ATP8B1: variants seen among roughly 807,000 people sequenced by gnomAD.
The protein encoded by ATP8B1 is phospholipid-transporting ATPase IC.
ATP8B1 carries 80 observed loss-of-function variants against 149.9 expected under a neutral mutation model. The ratio of observed to expected loss-of-function variants is 0.53; its 90% CI spans 0.45 to 0.64. ATP8B1 has a LOEUF of 0.64. ATP8B1 is among the 30% of genes least tolerant of loss of function. ATP8B1 has a pLI of 0.00. For synonymous variants in ATP8B1, 536 were observed against 562.8 expected (o/e 0.95, Z 0.67); for missense variants, 1,247 against 1,552.6 (o/e 0.80, Z 3.31).
At chr18:57,688,193 C>T (rs561434657) in intron 13 of ATP8B1, 106 bp downstream of exon 13, 9 of 1,269,174 alleles carry the variant, frequency 7.1e-6, no homozygotes, top group East Asian at 4.7e-5. Context: ...GACTCTGCAT[C>T]GAGAGGGCAC....
chr18:57,770,773 T>G (rs930318574), intron 1 of ATP8B1, among the ~76,000 whole-genome samples: 2 of 152,224 alleles, frequency 1.3e-5, no homozygotes, highest in African/African-American at 4.8e-5. Context: ...GGTGAAAACA[T>G]GTCAACATGC....
At chr18:57,753,339 T>C (rs1361667494) in intron 1 of ATP8B1, among the ~76,000 whole-genome samples, 1 of 152,234 alleles carries the variant, frequency 6.6e-6, no homozygotes, top group Admixed American at 6.5e-5. Context: ...AGTGGACAGA[T>C]CTATAGATAA....
At chr18:57,795,580 A>G (rs114813492) in intron 1 of ATP8B1, among the ~76,000 whole-genome samples, 2,206 of 152,344 alleles carry the variant, frequency 0.014, 50 homozygotes, top group African/African-American at 0.051. Flanking sequence ...CCTTAAGGAC[A>G]TTACACTAGT....
In ATP8B1 at chr18:57,655,378, A is replaced by G; in HGVS notation, c.2747T>C (p.Met916Thr). The stretch of plus-strand genomic sequence containing the variant: ...ATAGTCACTCGACATGACAGCTTGC[A>G]TTCCTTCTTGTCCACTTATTCCAAC... ...IGVGISGQEG[M>T]QAVMSSDYSF... The change falls in exon 23 of 28, where the codon ATG (methionine) becomes ACG (threonine). Residue 916 changes from methionine (M) to threonine (T), a missense_variant. Met to Thr is a moderately conservative substitution (Grantham distance 81, BLOSUM62 -1). Around this residue, in one of 3 missense-constraint regions of ATP8B1, gnomAD observed 230 missense variants for 356.6 expected, o/e 0.65. Coordinates refer to ENST00000648908, the MANE Select transcript of ATP8B1 (RefSeq NM_001374385.1). 1 of 1,614,274 alleles carries G rather than the reference A, an allele frequency of 6.2e-7. No homozygotes were observed. The highest frequency in any genetic ancestry group is 8.5e-7 in the Non-Finnish European group (1 of 1,180,054).
chr18:57,696,102 C>A (rs1912793308), intron 8 of ATP8B1, among the ~76,000 whole-genome samples: 1 of 152,202 alleles, frequency 6.6e-6, no homozygotes, highest in African/African-American at 2.4e-5. Flanking sequence ...GCTGCCGTCT[C>A]ACGACTGAAG....
chr18:57,771,684 T>A (rs2080264824), intron 1 of ATP8B1, among the ~76,000 whole-genome samples: 2 of 152,196 alleles, frequency 1.3e-5, no homozygotes, highest in South Asian at 4.1e-4. Context: ...ACTGTAATCC[T>A]ACAGGTTAGA....
intron 27 of ATP8B1, 71 bp from the exon 28 acceptor site, chr18:57,648,783 G>A: frequency 2.0e-6 from 3 of 1,472,292 alleles, no homozygotes; most frequent in Non-Finnish European, 2.8e-6. Context: ...CCAGACGGTT[G>A]ACAGAAATGA....
chr18:57,653,182 T>A (rs1486922283), intron 24 of ATP8B1, among the ~76,000 whole-genome samples: 1 of 152,094 alleles, frequency 6.6e-6, no homozygotes, highest in African/African-American at 2.4e-5. Context: ...ATGCACTAGC[T>A]ACATAAATTT....
rs1041581460 is a variant in ATP8B1, at chr18:57,646,493, A to G, written c.*1995T>C. The G allele has an allele frequency of 4.6e-5, 7 of 152,650 alleles. No individual in the cohort carries two copies. Among genetic ancestry groups the G allele is most frequent in the Non-Finnish European group, 1.0e-4 (7 of 68,052 alleles). The allele number at this position is 152,650 out of a possible 1,614,324, so 9.5% of individuals were successfully genotyped here. ...AATCATTTTTTTAAACAAAATATACATTAAATCTCAGATTTACAGAATATA... is the reference window on the plus strand; with the variant it reads ...AATCATTTTTTTAAACAAAATATACGTTAAATCTCAGATTTACAGAATATA... On this transcript the variant is annotated 3_prime_UTR_variant, in exon 28 of 28. Transcript: ENST00000648908.
intron 1 of ATP8B1, among the ~76,000 whole-genome samples, chr18:57,745,999 C>G (rs1165233858): frequency 6.6e-6 from 1 of 152,134 alleles, no homozygotes; most frequent in Non-Finnish European, 1.5e-5. Context: ...TTAAAAATAA[C>G]AGCTATTTTT....
chr18:57,652,684 C>T lies in ATP8B1; in HGVS notation c.3061G>A (p.Val1021Met), dbSNP rs1256318266. The T allele has an allele frequency of 6.8e-6, 11 of 1,614,148 alleles. No individual in the cohort carries two copies. The highest frequency in any genetic ancestry group is 9.3e-6 in the Non-Finnish European group (11 of 1,180,012). ...TTGAATAGTAAGTCTCTTTGTCCCA[C>T]TATGTATAACCCAGGGAATCGGAGG... ...LSLRFPGLYIVGQRDLLFNYK... is the reference protein window; with the variant it reads ...LSLRFPGLYIMGQRDLLFNYK... The change falls in exon 25 of 28, where the codon GTG becomes ATG. Residue 1021 changes from valine to methionine, a missense_variant. By Grantham distance (21) the Val-to-Met change is conservative (BLOSUM62 1). Around this residue, in one of 3 missense-constraint regions of ATP8B1, gnomAD observed 230 missense variants for 356.6 expected, o/e 0.65. Transcript: ENST00000648908.
intron 1 of ATP8B1, among the ~76,000 whole-genome samples, chr18:57,751,353 G>A (rs1599191939): frequency 6.6e-6 from 1 of 151,714 alleles, no homozygotes; most frequent in East Asian, 1.9e-4. Flanking sequence ...ATTTAGCAGG[G>A]CATGGTGGTG....
chr18:57,655,207 C>T lies in ATP8B1; in HGVS notation c.2918G>A (p.Gly973Asp). ...ACATTACATTACCTGCGCAGAGTAG[C>T]CATTGAAGAAGGAGTACCAGAAATG... is the stretch of plus-strand genomic sequence containing the variant. ...LVHFWYSFFN[G>D]YSAQTAYEDW... Residue 973 changes from glycine (G) to aspartate (D), a missense_variant, in exon 23 of 28, where the codon GGC becomes GAC. Gly to Asp is a moderately conservative substitution (Grantham distance 94, BLOSUM62 -1). This residue lies in a region of ATP8B1 where 230 missense variants were observed against 356.6 expected (regional missense o/e 0.65). Transcript: ENST00000648908. 1.2e-6 allele frequency: 2 copies of T among 1,608,800 alleles called. No individual in the cohort carries two copies. Among genetic ancestry groups the T allele is most frequent in the Non-Finnish European group, 1.7e-6 (2 of 1,175,150 alleles).
chr18:57,688,522 G>A lies in ATP8B1; in HGVS notation c.1221-15C>T. 6.2e-7 allele frequency: 1 copy of A among 1,613,418 alleles called. No individual in the cohort carries two copies. Among genetic ancestry groups the A allele is most frequent in the Non-Finnish European group, 8.5e-7 (1 of 1,179,382 alleles). On this transcript the variant is annotated splice_polypyrimidine_tract_variant and intron_variant, in intron 12 of 27. Coordinates refer to ENST00000648908, the MANE Select transcript of ATP8B1 (RefSeq NM_001374385.1). ...TCACTTCCACGCTAGGAAGACAGAAGATTATTTTCCGTAGAGAGCTCGGAT... is the reference window on the plus strand; with the variant it reads ...TCACTTCCACGCTAGGAAGACAGAAAATTATTTTCCGTAGAGAGCTCGGAT...
At chr18:57,764,511 T>C (rs1413953164) in intron 1 of ATP8B1, among the ~76,000 whole-genome samples, 1 of 150,564 alleles carries the variant, frequency 6.6e-6, no homozygotes, top group Non-Finnish European at 1.5e-5. Flanking sequence ...CTCTGCCTCC[T>C]GGGTTCAAGT....
At chr18:57,677,079 A>G (rs915193169) in intron 15 of ATP8B1, among the ~76,000 whole-genome samples, 2 of 152,214 alleles carry the variant, frequency 1.3e-5, no homozygotes, top group African/African-American at 2.4e-5. Flanking sequence ...AAAAGAGTAC[A>G]TATGCTACAT....
intron 1 of ATP8B1, among the ~76,000 whole-genome samples, chr18:57,747,282 A>G (rs1599187389): frequency 6.6e-6 from 1 of 152,060 alleles, no homozygotes; most frequent in Non-Finnish European, 1.5e-5. Flanking sequence ...GTGAAACCCC[A>G]TCTCTACTAA....
intron 2 of ATP8B1, among the ~76,000 whole-genome samples, chr18:57,709,454 T>TCACA (rs772418141): frequency 6.9e-4 from 105 of 152,278 alleles, no homozygotes; most frequent in Non-Finnish European, 1.3e-3. Context: ...TTTTAAAAAA[T>TCACA]CACAGAACAC....
At chr18:57,743,229 C>G (rs2079935032) in intron 1 of ATP8B1, among the ~76,000 whole-genome samples, 2 of 152,014 alleles carry the variant, frequency 1.3e-5, no homozygotes, top group Non-Finnish European at 2.9e-5. Flanking sequence ...CACACATATC[C>G]CAGCTCTGTG....
Sources: allele counts gnomAD v4.1 joint callset (sites outside exome capture counted in the v4.1 genomes callset), GRCh38; gene constraint gnomAD v4.1.1; regional missense constraint gnomAD v4.1.1; transcripts MANE v1.5; gene names NCBI Gene and HGNC (gene_info 2026-07-23, HGNC 2026-07-21).